Variants in SMTNL1 observed in about 807,000 individuals in gnomAD.
SMTNL1 encodes smoothelin like 1.
SMTNL1 carries 41 observed loss-of-function variants against 46.6 expected under a neutral mutation model. The observed-to-expected ratio is 0.88, with a 90% CI of 0.69 to 1.14. The LOEUF (loss-of-function observed/expected upper bound fraction) is 1.14. Among genes scored for constraint, SMTNL1 ranks in the 50% most tolerant of loss-of-function variants. The pLI is 0.00. For missense variants in SMTNL1, 591 were observed against 626.1 expected (o/e 0.94, Z 0.60); for synonymous variants, 234 against 234.2 (o/e 1.00, Z 0.01).
chr11:57,546,340 A>T lies in SMTNL1; in HGVS notation c.1181A>T (p.Lys394Ile). 1 of 1,605,424 alleles carries T rather than the reference A, an allele frequency of 6.2e-7. No individual in the cohort carries two copies. Among genetic ancestry groups the T allele is most frequent in the Non-Finnish European group, 8.5e-7 (1 of 1,175,838 alleles). Residue 394 changes from lysine (K) to isoleucine (I), a missense_variant, in exon 6 of 8, where the codon AAA becomes ATA. Coordinates refer to ENST00000527972, the MANE Select transcript of SMTNL1 (RefSeq NM_001105565.3). ...GAGTGGTGCCGAGCCATGACAAAAA[A>T]ATACGAGGTGGGCATGGGGCAGAGC... The part of the protein sequence containing the change: ...LLEWCRAMTK[K>I]YEHVDIQNFS...
chr11:57,543,655 A>G lies in SMTNL1; in HGVS notation c.764A>G (p.Gln255Arg), dbSNP rs1156951655. The change falls in exon 3 of 8, where the codon CAG becomes CGG. Residue 255 changes from glutamine to arginine, a missense_variant. Transcript: ENST00000527972. ...GGCAGTCCCAGCGAAGAGCAGGAGC[A>G]GGACGTGGAAAAAGAGCCAGAGGGA... Reference protein sequence around the residue: ...EPGSPSEEQEQDVEKEPEGGA... With the variant: ...EPGSPSEEQERDVEKEPEGGA... The G allele has an allele frequency of 6.2e-7, 1 of 1,606,844 alleles. No individual in the cohort carries two copies. The highest frequency in any genetic ancestry group is 1.1e-5 in the South Asian group (1 of 89,098).
chr11:57,545,878 T>G lies in SMTNL1; in HGVS notation c.918-3T>G. ...TCACACGTCTTTGGACTTCTCCATATAGTGAGTCTTCACCCAGCGACGTGC... is the reference window on the plus strand; with the variant it reads ...TCACACGTCTTTGGACTTCTCCATAGAGTGAGTCTTCACCCAGCGACGTGC... On this transcript the variant is annotated splice_region_variant and splice_polypyrimidine_tract_variant and intron_variant, in intron 4 of 7. Transcript: ENST00000527972. 1 of 1,611,614 alleles carries G rather than the reference T, an allele frequency of 6.2e-7. No homozygotes were observed. Among genetic ancestry groups the G allele is most frequent in the Non-Finnish European group, 8.5e-7 (1 of 1,178,978 alleles).
At chr11:57,544,413 A>T (rs868797226) in intron 4 of SMTNL1, among the ~76,000 whole-genome samples, 6 of 152,170 alleles carry the variant, frequency 3.9e-5, no homozygotes, top group African/African-American at 1.4e-4. Context: ...AAAAAACCAG[A>T]GGCAGAAAGG....
chr11:57,547,430 C>T (rs1048688410), intron 7 of SMTNL1, among the ~76,000 whole-genome samples: 17 of 152,234 alleles, frequency 1.1e-4, no homozygotes, highest in African/African-American at 4.1e-4. Context: ...AGAATAGAAG[C>T]TGAGGTGCCT....
In SMTNL1 at chr11:57,543,715, G is replaced by A; in HGVS notation, c.824G>A (p.Trp275Ter). 1 of 1,573,604 alleles carries A rather than the reference G, an allele frequency of 6.4e-7. No homozygotes were observed. The highest frequency in any genetic ancestry group is 8.6e-7 in the Non-Finnish European group (1 of 1,159,636). ...GTGATTCCCAGCTCCCCAGAGGAGT[G>A]GCCTGAGAGCCCCACTGGGGAGGGG... ...AGVIPSSPEE[W>*]PESPTGEGHN... The change falls in exon 3 of 8, where the codon TGG becomes TAG. Residue 275 changes from tryptophan (W) to a stop codon, truncating the protein, a stop_gained. Transcript: ENST00000527972. LOFTEE classifies it high-confidence loss of function.
intron 1 of SMTNL1, among the ~76,000 whole-genome samples, chr11:57,540,332 G>A (rs1944863017): frequency 2.0e-5 from 3 of 151,850 alleles, no homozygotes; most frequent in African/African-American, 4.8e-5. Context: ...CTCTTGGGCC[G>A]AAGTAATCCT....
At chr11:57,541,939 G>T (rs1329723736) in intron 1 of SMTNL1, among the ~76,000 whole-genome samples, 1 of 151,992 alleles carries the variant, frequency 6.6e-6, no homozygotes, top group East Asian at 1.9e-4. Context: ...GCTCTCAGGG[G>T]AGAGTAGCAA....
intron 6 of SMTNL1, 58 bp downstream of exon 6, chr11:57,546,405 T>C: frequency 1.8e-6 from 1 of 556,128 alleles, no homozygotes; most frequent in Non-Finnish European, 2.8e-6. Context: ...GTCCAAGTGG[T>C]GCAAACCCCA....
chr11:57,540,491 C>T (rs1424104439), intron 1 of SMTNL1, among the ~76,000 whole-genome samples: 1 of 152,084 alleles, frequency 6.6e-6, no homozygotes, highest in South Asian at 2.1e-4. Context: ...CACAGAAAAC[C>T]CTATCCATGT....
chr11:57,547,873 G>A (rs920620147), intron 7 of SMTNL1, among the ~76,000 whole-genome samples: 3 of 152,378 alleles, frequency 2.0e-5, no homozygotes, highest in African/African-American at 7.2e-5. Flanking sequence ...AGCCCCAAGG[G>A]AGGATTTCCT....
At chr11:57,546,429 TG>T in intron 6 of SMTNL1, 71 bp from the exon 7 acceptor site, 1 of 179,040 alleles carries the variant, frequency 5.6e-6, no homozygotes, top group Non-Finnish European at 8.2e-6. Flanking sequence ...GGTGGGAGGG[TG>T]GGAAGGGGGC....
chr11:57,549,198 G>C (rs532768243), intron 7 of SMTNL1, among the ~76,000 whole-genome samples: 1 of 151,938 alleles, frequency 6.6e-6, no homozygotes, highest in Non-Finnish European at 1.5e-5. Context: ...GCTAATTTTT[G>C]TATTTTTAGT....
At chr11:57,546,105 C>T (rs1944920581) in intron 5 of SMTNL1, 69 bp downstream of exon 5, 4 of 1,525,546 alleles carry the variant, frequency 2.6e-6, no homozygotes, top group African/African-American at 2.8e-5. Flanking sequence ...AGGGTGGCCT[C>T]AGGGGCAGTG....
chr11:57,548,112 C>A (rs1466971822), intron 7 of SMTNL1, among the ~76,000 whole-genome samples: 2 of 152,088 alleles, frequency 1.3e-5, no homozygotes, highest in African/African-American at 4.8e-5. Flanking sequence ...AGGGGAAGCA[C>A]CTGATAAAGC....
intron 7 of SMTNL1, among the ~76,000 whole-genome samples, 154 bp from the exon 8 acceptor site, chr11:57,549,814 A>G (rs1944944705): frequency 6.6e-6 from 1 of 152,156 alleles, no homozygotes; most frequent in Non-Finnish European, 1.5e-5. Context: ...TCATCTAGAT[A>G]TATAATGGGA....
intron 4 of SMTNL1, among the ~76,000 whole-genome samples, chr11:57,544,795 A>G (rs1944908803): frequency 6.6e-6 from 1 of 151,666 alleles, no homozygotes; most frequent in South Asian, 2.1e-4. Context: ...CAGTCATTAG[A>G]AGGATTATCT....
chr11:57,546,018 T>A lies in SMTNL1; in HGVS notation c.1055T>A (p.Ile352Asn). Residue 352 changes from isoleucine to asparagine, a missense_variant, in exon 5 of 8, where the codon ATC becomes AAC. Physicochemically the swap from Ile to Asn is moderately radical, Grantham distance 149. Transcript: ENST00000527972. ...CCCCGGGCACAGAACCGCAAAGCCA[T>A]CGTGGACAAGTTTGGCGGGTAGGAC... ...RGPRAQNRKAIVDKFGGAASG... is the reference protein window; with the variant it reads ...RGPRAQNRKANVDKFGGAASG... 6.3e-7 allele frequency: 1 copy of A among 1,592,392 alleles called. No individual in the cohort carries two copies. The highest frequency in any genetic ancestry group is 1.1e-5 in the South Asian group (1 of 88,656).
At chr11:57,542,109 A>ACACAC (rs1944882327) in intron 1 of SMTNL1, among the ~76,000 whole-genome samples, 1 of 60,454 alleles carries the variant, frequency 1.7e-5, no homozygotes, top group African/African-American at 5.4e-5. Flanking sequence ...CTCTACAAAA[A>ACACAC]AAAAACACAC....
rs1944945894 is a variant in SMTNL1, at chr11:57,549,994, T to C, written c.1367T>C (p.Leu456Pro). 3 of 1,614,034 alleles carry C rather than the reference T, an allele frequency of 1.9e-6. No homozygotes were observed. The highest frequency in any genetic ancestry group is 2.5e-6 in the Non-Finnish European group (3 of 1,179,894). ...AAACTGGCTGACTGTGCTCAGCTGCTGGACGTGGATGACATGGTGCGGTTG... is the reference window on the plus strand; with the variant it reads ...AAACTGGCTGACTGTGCTCAGCTGCCGGACGTGGATGACATGGTGCGGTTG... ...AEKLADCAQL[L>P]DVDDMVRLAV... The change falls in exon 8 of 8, where the codon CTG (leucine) becomes CCG (proline). Residue 456 changes from leucine (L) to proline (P), a missense_variant. Coordinates refer to ENST00000527972, the MANE Select transcript of SMTNL1 (RefSeq NM_001105565.3).
Sources: allele counts gnomAD v4.1 joint callset (sites outside exome capture counted in the v4.1 genomes callset), GRCh38; gene constraint gnomAD v4.1.1; transcripts MANE v1.5; gene names NCBI Gene and HGNC (gene_info 2026-07-23, HGNC 2026-07-21).